Variants in ALG14 observed in about 807,000 individuals in gnomAD.
The protein encoded by ALG14 is ALG14 UDP-N-acetylglucosaminyltransferase subunit.
ALG14 carries 17 observed loss-of-function variants against 22.8 expected under a neutral mutation model. The ratio of observed to expected loss-of-function variants is 0.75; its 90% CI spans 0.51 to 1.12. The LOEUF is 1.12. ALG14 is among the 50% of genes most tolerant of loss of function. The probability of loss-of-function intolerance (pLI) is 0.00; values close to 1 mark genes in which losing one functional copy is unlikely to be tolerated. For missense variants in ALG14, 288 were observed against 271.8 expected, an observed-to-expected ratio of 1.06 and a Z score of -0.42; for synonymous variants, 89 against 103.7, an observed-to-expected ratio of 0.86 and a Z score of 0.86.
At chr1:95,060,907 A>G (rs1411959040) in intron 2 of ALG14, among the ~76,000 whole-genome samples, 1 of 152,220 alleles carries the variant, frequency 6.6e-6, no homozygotes, top group Non-Finnish European at 1.5e-5. Flanking sequence ...AGCACTGCAG[A>G]TATGATCAAG....
In ALG14 at chr1:94,977,603, G is replaced by A. The variant is rs1672421310; in HGVS notation, c.*5473C>T. ...AAATTTTTGTCTAGTTTCTACAATG[G>A]TAAATATTGACAAATATAGCTCACA... On this transcript the variant is annotated 3_prime_UTR_variant, in exon 4 of 4. Coordinates refer to ENST00000370205, the MANE Select transcript of ALG14 (RefSeq NM_144988.4). 1 of 151,944 alleles carries A rather than the reference G, an allele frequency of 6.6e-6. No individual in the cohort carries two copies. The highest frequency in any genetic ancestry group is 2.1e-4 in the South Asian group (1 of 4,826). 9.4% of individuals were successfully genotyped at this position (151,944 alleles called of 1,614,324 possible).
At chr1:95,055,983 T>C (rs2100822715) in intron 2 of ALG14, among the ~76,000 whole-genome samples, 1 of 146,540 alleles carries the variant, frequency 6.8e-6, no homozygotes, top group Non-Finnish European at 1.5e-5. Flanking sequence ...CACTCCAGCC[T>C]GGGCTACAGA....
In ALG14 at chr1:94,974,768, T is replaced by A. The variant is rs1157054378; in HGVS notation, c.*8308A>T. 2 of 152,222 alleles carry A rather than the reference T, an allele frequency of 1.3e-5. No individual in the cohort carries two copies. The highest frequency in any genetic ancestry group is 2.9e-5 in the Non-Finnish European group (2 of 68,038). The allele number at this position is 152,222 out of a possible 1,614,324, so 9.4% of individuals were successfully genotyped here. A position where few individuals can be genotyped will look rare whatever the true frequency, so the allele number is the denominator to read the frequency against. On this transcript the variant is annotated 3_prime_UTR_variant, in exon 4 of 4. Transcript: ENST00000370205. The stretch of plus-strand genomic sequence containing the variant: ...GACAAATTATTCCAAAACTTCGTGG[T>A]GGAAAACTACTACCATTTAATCATG...
At chr1:94,996,296 T>C (rs953897109) in intron 3 of ALG14, among the ~76,000 whole-genome samples, 6 of 152,174 alleles carry the variant, frequency 3.9e-5, no homozygotes, top group African/African-American at 9.7e-5. Context: ...CTCTACACTA[T>C]AGGAACAGGG....
At position 95,006,575 on chromosome 1, in the gene ALG14, G is replaced by A. The variant is rs371618166; in HGVS notation, c.420+20554C>T. Among the ~76,000 whole-genome samples, 4 of 152,326 alleles carry A rather than the reference G, an allele frequency of 2.6e-5. 1 individual carries two copies. The highest frequency in any genetic ancestry group is 9.6e-5 in the African/African-American group (4 of 41,582). On this transcript the variant is annotated intron_variant, in intron 3 of 3. Coordinates refer to ENST00000370205, the MANE Select transcript of ALG14 (RefSeq NM_144988.4). The stretch of plus-strand genomic sequence containing the variant: ...CATGGAGGAAGTATGAAATGAGCAG[G>A]TGCTGACTGATATCCTCCGTTAGAA...
rs1672393187 is a variant in ALG14, at chr1:94,976,072, G to A, written c.*7004C>T. 1 of 150,470 alleles carries A rather than the reference G, an allele frequency of 6.6e-6. No individual in the cohort carries two copies. Among genetic ancestry groups the A allele is most frequent in the Non-Finnish European group, 1.5e-5 (1 of 67,878 alleles). 9.3% of individuals were successfully genotyped at this position (150,470 alleles called of 1,614,324 possible). On this transcript the variant is annotated 3_prime_UTR_variant, in exon 4 of 4. Coordinates refer to ENST00000370205, the MANE Select transcript of ALG14 (RefSeq NM_144988.4). ...AGAGCCTCCTTAACACACCAGGGGA[G>A]CTACCACTGATGGAGACAAATGTGA...
rs1675622163 is a variant in ALG14, at chr1:95,072,891, C to T, written c.8G>A (p.Cys3Tyr). 5 of 1,614,042 alleles carry T rather than the reference C, an allele frequency of 3.1e-6. No homozygotes were observed. Among genetic ancestry groups the T allele is most frequent in the East Asian group, 2.2e-5 (1 of 44,870 alleles). ...TGCGGCCGCAGCTAGAACGAGAACG[C>T]ACACCATGCAGAGAAACGGCGCATG... MV[C>Y]VLVLAAAAGA... Residue 3 changes from cysteine to tyrosine, a missense_variant, in exon 1 of 4, where the codon TGC becomes TAC. Transcript: ENST00000370205.
chr1:95,008,157 T>A (rs1181451577), intron 3 of ALG14, among the ~76,000 whole-genome samples: 2 of 152,136 alleles, frequency 1.3e-5, no homozygotes, highest in African/African-American at 4.8e-5. Context: ...TAACAAATGG[T>A]GTCATGAGTC....
At chr1:95,063,372 T>C (rs79615798) in intron 2 of ALG14, among the ~76,000 whole-genome samples, 7,012 of 152,258 alleles carry the variant, frequency 0.046, 215 homozygotes, top group South Asian at 0.087. Context: ...TTGCCCATGC[T>C]GGTGTCCTGA....
At chr1:95,030,459 G>GT (rs1673963718) in intron 2 of ALG14, among the ~76,000 whole-genome samples, 2 of 152,064 alleles carry the variant, frequency 1.3e-5, no homozygotes, top group South Asian at 4.1e-4. Context: ...CATCATAGAA[G>GT]TTTTTTTGGC....
Position 94,999,343 on chromosome 1 carries a change from A to T in ALG14, c.421-16037T>A, listed in dbSNP as rs1447913960. 4.3e-3 allele frequency among the ~76,000 whole-genome samples: 468 copies of T among 108,806 alleles called. 3 individuals are homozygous for T. Among genetic ancestry groups the T allele is most frequent in the Middle Eastern group, 0.012 (2 of 170 alleles). 71.4% of individuals were successfully genotyped at this position (108,806 alleles called of 152,430 possible). A position where few individuals can be genotyped will look rare whatever the true frequency, so the allele number is the denominator to read the frequency against. On this transcript the variant is annotated intron_variant, in intron 3 of 3. Transcript: ENST00000370205. ...CCAATTAAATATTTTCAGTAGACCC[A>T]TTTTTTTTTTTTTTTTTTTTTTTGG...
intron 2 of ALG14, among the ~76,000 whole-genome samples, chr1:95,029,341 A>G (rs1448130777): frequency 6.6e-6 from 1 of 152,232 alleles, no homozygotes; most frequent in Non-Finnish European, 1.5e-5. Flanking sequence ...TGCTCCAAGA[A>G]GAGGCAAGGC....
chr1:95,002,249 G>C (rs887117107), intron 3 of ALG14, among the ~76,000 whole-genome samples: 10 of 152,084 alleles, frequency 6.6e-5, no homozygotes, highest in East Asian at 3.9e-4. Context: ...GTACCTGGGG[G>C]GGGGAACCTG....
intron 3 of ALG14, among the ~76,000 whole-genome samples, chr1:94,991,954 C>G (rs967026783): frequency 6.6e-6 from 1 of 152,010 alleles, no homozygotes; most frequent in African/African-American, 2.4e-5. Context: ...TCACTGTCTT[C>G]CACCTCCACA....
chr1:95,044,089 C>T (rs927051001), intron 2 of ALG14, among the ~76,000 whole-genome samples: 1 of 152,144 alleles, frequency 6.6e-6, no homozygotes, highest in East Asian at 1.9e-4. Context: ...TTGCTCAGAA[C>T]AGCTTTGTAG....
rs147776157 is a variant in ALG14, at chr1:95,044,748, C to G, written c.289-17488G>C. ...GGTATTACTGTCTTCTCATCCAGGT[C>G]AAGTGGAGTGAGCTCCATGATGGCA... On this transcript the variant is annotated intron_variant, in intron 2 of 3. Transcript: ENST00000370205. 1.4e-3 allele frequency among the ~76,000 whole-genome samples: 211 copies of G among 152,254 alleles called. 3 individuals carry two copies. The highest frequency in any genetic ancestry group is 4.6e-3 in the African/African-American group (193 of 41,540).
intron 3 of ALG14, among the ~76,000 whole-genome samples, chr1:95,015,842 T>C (rs1673483609): frequency 1.3e-5 from 2 of 152,238 alleles, no homozygotes; most frequent in South Asian, 4.1e-4. Flanking sequence ...CAGAATACCA[T>C]AGCATCCAAA....
chr1:95,054,562 C>A (rs746130106), intron 2 of ALG14, among the ~76,000 whole-genome samples: 3 of 152,094 alleles, frequency 2.0e-5, no homozygotes, highest in Non-Finnish European at 4.4e-5. Context: ...ATGACTAATA[C>A]AATTATGAAA....
chr1:95,009,624 A>G (rs778955807), intron 3 of ALG14, among the ~76,000 whole-genome samples: 1 of 152,182 alleles, frequency 6.6e-6, no homozygotes, highest in Non-Finnish European at 1.5e-5. Context: ...AAAATAATTG[A>G]TCAGTATTCA....
Sources: gnomAD v4.1 joint callset for allele counts (sites outside exome capture counted in the v4.1 genomes callset) on GRCh38, gnomAD v4.1.1 for gene constraint, MANE v1.5 for transcripts, NCBI Gene and HGNC (gene_info 2026-07-23, HGNC 2026-07-21) for gene names.